The following GPC6 variants were observed in gnomAD, a reference collection of about 807,000 sequenced individuals.
The protein encoded by GPC6 is glypican-6.
GPC6 carries 14 observed loss-of-function variants against 55.2 expected under a neutral mutation model. That is an observed-to-expected ratio of 0.25 (90% CI 0.17 to 0.40). The LOEUF (loss-of-function observed/expected upper bound fraction) is 0.40. GPC6 is among the 10% of genes least tolerant of loss of function. The pLI is 1.00. For synonymous variants in GPC6, 278 were observed against 259.6 expected, an observed-to-expected ratio of 1.07 and a Z score of -0.68; for missense variants, 641 against 708.5, an observed-to-expected ratio of 0.90 and a Z score of 1.08.
chr13:93,405,048 C>A (rs1876235844), intron 1 of GPC6, among the ~76,000 whole-genome samples: 1 of 151,974 alleles, frequency 6.6e-6, no homozygotes, highest in Non-Finnish European at 1.5e-5. Context: ...TATGATTATT[C>A]TTTTTTAATC....
At chr13:94,057,388 G>A (rs1227805245) in intron 4 of GPC6, among the ~76,000 whole-genome samples, 1 of 152,132 alleles carries the variant, frequency 6.6e-6, no homozygotes, top group East Asian at 1.9e-4. Flanking sequence ...ATTATCCAAT[G>A]TTCATTGAGA....
At chr13:94,040,253 C>T (rs533674095) in intron 4 of GPC6, among the ~76,000 whole-genome samples, 1 of 151,924 alleles carries the variant, frequency 6.6e-6, no homozygotes, top group East Asian at 1.9e-4. Flanking sequence ...AAGAATATCA[C>T]AAAGCAGCCC....
In GPC6 at chr13:94,027,854, A is replaced by G. The variant is rs745971650; in HGVS notation, c.837A>G (p.Ala279=). The change falls in exon 4 of 9, where the codon GCA becomes GCG. Residue 279 remains alanine (A), a synonymous_variant. Transcript: ENST00000377047. The part of the protein sequence containing the change: ...YCLNVMKGCL[A]NQADLDTEWN... ...TCAACGTCATGAAGGGCTGCTTGGC[A>G]AATCAGGCTGACCTCGACACAGAGT... The G allele has an allele frequency of 6.2e-7, 1 of 1,614,130 alleles. No individual in the cohort carries two copies. Among genetic ancestry groups the G allele is most frequent in the South Asian group, 1.1e-5 (1 of 91,086 alleles).
At chr13:94,357,523 C>T (rs1171444576) in intron 6 of GPC6, among the ~76,000 whole-genome samples, 1 of 152,218 alleles carries the variant, frequency 6.6e-6, no homozygotes, top group Non-Finnish European at 1.5e-5. Flanking sequence ...TTCTGCGGCA[C>T]TCTTGGCCAA....
intron 1 of GPC6, among the ~76,000 whole-genome samples, chr13:93,239,868 A>G (rs1025631408): frequency 3.9e-5 from 6 of 151,996 alleles, no homozygotes; most frequent in Non-Finnish European, 8.8e-5. Context: ...ATTAATTTTA[A>G]TGTTGATTTT....
At chr13:93,724,833 A>C (rs1883576193) in intron 2 of GPC6, among the ~76,000 whole-genome samples, 1 of 152,064 alleles carries the variant, frequency 6.6e-6, no homozygotes, top group Non-Finnish European at 1.5e-5. Context: ...ATTTCATAGC[A>C]GTATGATGAA....
chr13:93,540,128 G>T (rs1325657517), intron 1 of GPC6, among the ~76,000 whole-genome samples: 1 of 152,056 alleles, frequency 6.6e-6, no homozygotes, highest in Non-Finnish European at 1.5e-5. Flanking sequence ...GAATGTTTAC[G>T]TGTAACAGCA....
the GPC6 span, among the ~76,000 whole-genome samples, chr13:93,217,400 G>T: frequency 6.6e-6 from 1 of 152,200 alleles, no homozygotes; most frequent in African/African-American, 2.4e-5. Context: ...AATTTGCACA[G>T]TCTAAAGTAT....
intron 2 of GPC6, among the ~76,000 whole-genome samples, chr13:93,822,169 T>G (rs944819362): frequency 6.6e-6 from 1 of 152,096 alleles, no homozygotes; most frequent in Non-Finnish European, 1.5e-5. Flanking sequence ...ATATACATAT[T>G]GTGAATTAAT....
intron 4 of GPC6, among the ~76,000 whole-genome samples, chr13:94,180,467 A>C (rs1888951896): frequency 6.6e-6 from 1 of 152,164 alleles, no homozygotes; most frequent in Non-Finnish European, 1.5e-5. Flanking sequence ...TTTTTTGCTT[A>C]AGTAGATAAT....
chr13:94,315,874 C>T (rs72647628), intron 6 of GPC6, among the ~76,000 whole-genome samples: 2,017 of 152,324 alleles, frequency 0.013, 16 homozygotes, highest in Non-Finnish European at 0.02. Flanking sequence ...CAGCCCATGG[C>T]CTGCATGTGG....
intron 1 of GPC6, among the ~76,000 whole-genome samples, chr13:93,233,209 T>C (rs780341720): frequency 6.6e-6 from 1 of 152,170 alleles, no homozygotes; most frequent in Non-Finnish European, 1.5e-5. Context: ...ATCATATATT[T>C]GTAATAAAGG....
At chr13:93,547,450 C>T (rs1240064289) in intron 2 of GPC6, among the ~76,000 whole-genome samples, 3 of 152,150 alleles carry the variant, frequency 2.0e-5, no homozygotes, top group Non-Finnish European at 4.4e-5. Flanking sequence ...TCTATAGTTT[C>T]TAATCCCACA....
intron 1 of GPC6, among the ~76,000 whole-genome samples, chr13:93,388,176 A>G (rs1308543994): frequency 6.6e-6 from 1 of 152,176 alleles, no homozygotes; most frequent in East Asian, 1.9e-4. Context: ...ATTTAAACCT[A>G]GGGCTTCTTG....
At chr13:93,813,362 G>A (rs1886755288) in intron 2 of GPC6, among the ~76,000 whole-genome samples, 1 of 152,090 alleles carries the variant, frequency 6.6e-6, no homozygotes, top group African/African-American at 2.4e-5. Context: ...AGGTTGCAGT[G>A]AGCCGAGATC....
intron 6 of GPC6, among the ~76,000 whole-genome samples, chr13:94,356,415 G>A (rs957191147): frequency 7.2e-5 from 11 of 152,094 alleles, no homozygotes; most frequent in African/African-American, 2.4e-4. Flanking sequence ...TTCATTTGTT[G>A]TTGGAATCTT....
chr13:93,313,742 C>T (rs1054866871), intron 1 of GPC6, among the ~76,000 whole-genome samples: 1 of 151,942 alleles, frequency 6.6e-6, no homozygotes, highest in African/African-American at 2.4e-5. Flanking sequence ...TCATAGTGCA[C>T]TATAGCCTAG....
intron 3 of GPC6, among the ~76,000 whole-genome samples, chr13:93,939,313 A>C (rs2140361266): frequency 6.6e-6 from 1 of 150,780 alleles, no homozygotes; most frequent in African/African-American, 2.4e-5. Flanking sequence ...AAAAATATAA[A>C]ATTATTTAAT....
chr13:93,254,839 A>G (rs1876900570), intron 1 of GPC6, among the ~76,000 whole-genome samples: 1 of 152,226 alleles, frequency 6.6e-6, no homozygotes, highest in African/African-American at 2.4e-5. Context: ...TAAAAAAAGC[A>G]GGAAGGCAGA....
Sources: gnomAD v4.1 joint callset for allele counts (sites outside exome capture counted in the v4.1 genomes callset) on GRCh38, gnomAD v4.1.1 for gene constraint, MANE v1.5 for transcripts, NCBI Gene and HGNC (gene_info 2026-07-23, HGNC 2026-07-21) for gene names.